Variants in WDR90 observed in about 807,000 individuals in gnomAD.
WDR90 encodes the protein WD repeat domain 90.
A neutral mutation model predicts 195.2 loss-of-function variants in WDR90; 238 were observed. The observed-to-expected ratio is 1.22, with a 90% CI of 1.10 to 1.36. The LOEUF is 1.36. Among genes scored for constraint, WDR90 ranks in the 40% most tolerant of loss-of-function variants. The probability of loss-of-function intolerance (pLI) is 0.00; values close to 1 mark genes in which losing one functional copy is unlikely to be tolerated. For missense variants in WDR90, 2,734 were observed against 2,439.5 expected (o/e 1.12, Z -2.54); for synonymous variants, 1,265 against 1,052.4 (o/e 1.20, Z -3.91).
At position 658,345 on chromosome 16, in the gene WDR90, G is replaced by C. The variant is rs2037807251; in HGVS notation, c.2766+1G>C. The stretch of plus-strand genomic sequence containing the variant: ...TGTGTCGGGCCGCATCATCCGGGAG[G>C]TGAGCCTCAGGGCTGTGGCCCGCCG... On this transcript the variant is annotated splice_donor_variant, in intron 22 of 40. Coordinates refer to ENST00000293879, the MANE Select transcript of WDR90 (RefSeq NM_145294.5). LOFTEE classifies it high-confidence loss of function. The C allele has an allele frequency of 1.9e-6, 3 of 1,611,938 alleles. No homozygotes were observed. The highest frequency in any genetic ancestry group is 1.7e-5 in the Admixed American group (1 of 59,968).
chr16:658,602 C>T lies in WDR90; in HGVS notation c.2844C>T (p.Gly948=), dbSNP rs1410010115. 1 of 1,612,712 alleles carries T rather than the reference C, an allele frequency of 6.2e-7. No individual in the cohort carries two copies. Among genetic ancestry groups the T allele is most frequent in the Non-Finnish European group, 8.5e-7 (1 of 1,179,914 alleles). ...CCCGCTTCCTGCTGATTGCCGCCGG[C>T]CGGACCATCAAGGTGTGGGACTACG... is the stretch of plus-strand genomic sequence containing the variant. ...EDARFLLIAA[G]RTIKVWDYAT... The change falls in exon 23 of 41, where the codon GGC becomes GGT. Residue 948 remains glycine, a synonymous_variant. Transcript: ENST00000293879.
chr16:649,372 G>A lies in WDR90; in HGVS notation c.-45G>A. 1.5e-6 allele frequency: 2 copies of A among 1,329,940 alleles called. No individual in the cohort carries two copies. The highest frequency in any genetic ancestry group is 1.9e-6 in the Non-Finnish European group (2 of 1,042,068). The allele number at this position is 1,329,940 out of a possible 1,614,324, so 82.4% of individuals were successfully genotyped here. The stretch of plus-strand genomic sequence containing the variant: ...CCTGGCGTCGCGGGGCGTACTCTGC[G>A]CTGGGCGCGCGGAGGCCTAGGCGGG... On this transcript the variant is annotated 5_prime_UTR_variant, in exon 1 of 41. Transcript: ENST00000293879.
In WDR90 at chr16:661,181, C is replaced by T. The variant is rs1473252136; in HGVS notation, c.3513+9C>T. The T allele has an allele frequency of 2.0e-6, 3 of 1,534,180 alleles. No individual in the cohort carries two copies. Among genetic ancestry groups the T allele is most frequent in the Non-Finnish European group, 2.6e-6 (3 of 1,145,136 alleles). On this transcript the variant is annotated intron_variant, in intron 29 of 40. Transcript: ENST00000293879. ...TCAGCCACAGTGCCCAGGTGCCCGC[C>T]TGCATCGCCCTCCTCCTCTCCCAGG...
Position 655,012 on chromosome 16 carries a change from G to T in WDR90, c.1438-17G>T. On this transcript the variant is annotated splice_polypyrimidine_tract_variant and intron_variant, in intron 13 of 40. Transcript: ENST00000293879. ...CGACTGGCCCTGCCGTGCGGGCTCAGCCTGGGCTTGTTGCAGATGGTGGTG... is the reference window on the plus strand; with the variant it reads ...CGACTGGCCCTGCCGTGCGGGCTCATCCTGGGCTTGTTGCAGATGGTGGTG... The T allele has an allele frequency of 6.2e-7, 1 of 1,611,440 alleles. No individual in the cohort carries two copies. The highest frequency in any genetic ancestry group is 8.5e-7 in the Non-Finnish European group (1 of 1,179,024).
At chr16:651,462 C>T (rs1295098398) in intron 7 of WDR90, among the ~76,000 whole-genome samples, 182 bp from the exon 8 acceptor site, 2 of 152,102 alleles carry the variant, frequency 1.3e-5, no homozygotes, top group Non-Finnish European at 2.9e-5. Flanking sequence ...ACCCGGGGGC[C>T]CCAAGCTTTC....
At chr16:656,161 G>T in intron 17 of WDR90, 141 bp from the exon 18 acceptor site, 1 of 855,308 alleles carries the variant, frequency 1.2e-6, no homozygotes, top group African/African-American at 1.7e-5. Flanking sequence ...GGCCTCGAGG[G>T]AGCTGCATCT....
rs1282281502 is a variant in WDR90 at position 656,364 on chromosome 16, A to G, written c.2029A>G (p.Thr677Ala). The G allele has an allele frequency of 1.9e-6, 3 of 1,607,460 alleles. No individual in the cohort carries two copies. In the African/African-American group the frequency reaches 4.0e-5, roughly 22 times the overall value. ...SPDGLRVLSA[T>A]SSGHLGFLDT... Reference sequence around the variant, plus strand: ...CGATGGCCTCCGTGTGCTGTCTGCCACCTCCTCGGGCCACCTGGGCTTCCT... The same window carrying G: ...CGATGGCCTCCGTGTGCTGTCTGCCGCCTCCTCGGGCCACCTGGGCTTCCT... Residue 677 changes from threonine to alanine, a missense_variant, in exon 18 of 41, where the codon ACC becomes GCC. Coordinates refer to ENST00000293879, the MANE Select transcript of WDR90 (RefSeq NM_145294.5).
At position 661,873 on chromosome 16, in the gene WDR90, ACT is replaced by A. The variant is rs759798450; in HGVS notation, c.3865-14_3865-13del. ...CCCGGGACACTGCTGACCCATGGCC[ACT>A]CTCATACTTTGCCAGGTGCGTCGAG... On this transcript the variant is annotated splice_polypyrimidine_tract_variant and intron_variant, in intron 31 of 40. Transcript: ENST00000293879. The A allele has an allele frequency of 5.6e-6, 9 of 1,600,520 alleles. No individual in the cohort carries two copies. The highest frequency in any genetic ancestry group is 3.3e-4 in the Middle Eastern group (2 of 6,046).
chr16:666,399 G>A, intron 37 of WDR90, 49 bp downstream of exon 37: 2 of 1,609,724 alleles, frequency 1.2e-6, no homozygotes, highest in Non-Finnish European at 8.5e-7. Flanking sequence ...TGCTGGTGGG[G>A]GCAGGCACCA....
At chr16:662,088 C>T (rs1261138637) in intron 32 of WDR90, 29 bp downstream of exon 32, 6 of 1,589,308 alleles carry the variant, frequency 3.8e-6, no homozygotes, top group Admixed American at 1.7e-5. Context: ...CCCTGTGGCC[C>T]TCAGGACCCC....
rs2037787854 is a variant in WDR90 at position 657,591 on chromosome 16, CA to C, written c.2474-170del. Among the ~76,000 whole-genome samples the C allele has an allele frequency of 2.6e-5, 4 of 152,350 alleles. No individual in the cohort carries two copies. The South Asian group carries it at 6.2e-4, about 24-fold the overall frequency. On this transcript the variant is annotated intron_variant, in intron 20 of 40. Coordinates refer to ENST00000293879, the MANE Select transcript of WDR90 (RefSeq NM_145294.5). The stretch of plus-strand genomic sequence containing the variant: ...CCACGGGGACTCCCAGCTCCCCTGG[CA>C]GCGCCTGGCGCCCACTGGCACCTTG...
In WDR90 at chr16:667,662, G is replaced by T. The variant is rs1381978966; in HGVS notation, c.*73G>T. ...GCACCTGGACACAGGCTTGGCAGAG[G>T]CGCCAGGTTGTCAATGGCCTCATGC... is the stretch of plus-strand genomic sequence containing the variant. On this transcript the variant is annotated 3_prime_UTR_variant, in exon 41 of 41. Coordinates refer to ENST00000293879, the MANE Select transcript of WDR90 (RefSeq NM_145294.5). 6.9e-6 allele frequency: 11 copies of T among 1,584,244 alleles called. No homozygotes were observed. Among genetic ancestry groups the T allele is most frequent in the Non-Finnish European group, 9.4e-6 (11 of 1,171,924 alleles).
At position 660,118 on chromosome 16, in the gene WDR90, C is replaced by T. The variant is rs1370854364; in HGVS notation, c.3245C>T (p.Ala1082Val). 2 of 1,544,336 alleles carry T rather than the reference C, an allele frequency of 1.3e-6. No individual in the cohort carries two copies. The highest frequency in any genetic ancestry group is 8.7e-7 in the Non-Finnish European group (1 of 1,143,262). ...ACCACCTACCTGGCTTCCTGCAAGG[C>T]CTTCACGCCTGCCAGGGTCAGCTGC... ...PRTTYLASCK[A>V]FTPARVSCSP... Residue 1082 changes from alanine to valine, a missense_variant, in exon 27 of 41, where the codon GCC (alanine) becomes GTC (valine). Transcript: ENST00000293879.
At chr16:663,994 G>A (rs954737903) in intron 34 of WDR90, among the ~76,000 whole-genome samples, 11 of 152,164 alleles carry the variant, frequency 7.2e-5, no homozygotes, top group African/African-American at 2.7e-4. Context: ...GTTGCCCCTG[G>A]GTTGTTTCTT....
intron 29 of WDR90, 40 bp downstream of exon 29, chr16:661,212 C>A: frequency 6.6e-7 from 1 of 1,517,258 alleles, no homozygotes; most frequent in Non-Finnish European, 8.8e-7. Context: ...CCAGGGCCAC[C>A]GTGCCCGGCA....
Position 662,716 on chromosome 16 carries a change from G to T in WDR90, c.4183G>T (p.Ala1395Ser). 6.3e-7 allele frequency: 1 copy of T among 1,583,534 alleles called. No homozygotes were observed. The highest frequency in any genetic ancestry group is 8.6e-7 in the Non-Finnish European group (1 of 1,161,170). ...GGAACACGAGCTGGTGCTGGACGGG[G>T]CTGTGGTGAGTGCCAGCTTCGATGA... ...FMEHELVLDGAVVSASFDDSV... is the reference protein window; with the variant it reads ...FMEHELVLDGSVVSASFDDSV... Residue 1395 changes from alanine to serine, a missense_variant, in exon 34 of 41, where the codon GCT becomes TCT. Ala to Ser is a moderately conservative substitution (Grantham distance 99). Transcript: ENST00000293879.
intron 28 of WDR90, 109 bp from the exon 29 acceptor site, chr16:660,942 G>GCCCCCTGTTTGGCCCCT: frequency 3.1e-6 from 1 of 318,670 alleles, no homozygotes. Context: ...CCTTGGCCCC[G>GCCCCCTGTTTGGCCCCT]CCCCACGGCT....
intron 26 of WDR90, 90 bp from the exon 27 acceptor site, chr16:659,968 C>A: frequency 3.0e-6 from 3 of 1,007,040 alleles, no homozygotes; most frequent in African/African-American, 1.6e-5. Flanking sequence ...TGTGGTAGAC[C>A]AGGGGCTTGT....
At chr16:655,915 A>G in intron 17 of WDR90, 26 bp downstream of exon 17, 1 of 1,567,292 alleles carries the variant, frequency 6.4e-7, no homozygotes, top group Non-Finnish European at 8.6e-7. Flanking sequence ...CGCTCTCCCA[A>G]CTCCGGGAGA....
Sources: allele counts gnomAD v4.1 joint callset (sites outside exome capture counted in the v4.1 genomes callset), GRCh38; gene constraint gnomAD v4.1.1; transcripts MANE v1.5; gene names NCBI Gene and HGNC (gene_info 2026-07-23, HGNC 2026-07-21).